CILK1: variants seen among roughly 807,000 people sequenced by gnomAD.
The protein encoded by CILK1 is ciliogenesis associated kinase 1.
A neutral mutation model predicts 79.2 loss-of-function variants in CILK1; 47 were observed. That is an observed-to-expected ratio of 0.59 (90% CI 0.47 to 0.76). The LOEUF (loss-of-function observed/expected upper bound fraction) is 0.76. Ranked by LOEUF, CILK1 falls within the 30% of genes least tolerant of loss-of-function variation. The pLI, the probability that CILK1 is intolerant of heterozygous loss-of-function variation, is 0.00. For missense variants in CILK1, 660 were observed against 769.5 expected, an observed-to-expected ratio of 0.86 and a Z score of 1.68; for synonymous variants, 266 against 275.9, an observed-to-expected ratio of 0.96 and a Z score of 0.36.
At position 53,011,797 on chromosome 6, in the gene CILK1, G is replaced by C. The variant is rs1232099217; in HGVS notation, c.1464C>G (p.His488Gln). Residue 488 changes from histidine (H) to glutamine (Q), a missense_variant, in exon 11 of 14, where the codon CAC becomes CAG. Coordinates refer to ENST00000676107, the MANE Select transcript of CILK1 (RefSeq NM_014920.5). ...TPTLRSAAKQ[H>Q]YLKHSRYLPG... Reference sequence around the variant, plus strand: ...GCAAGTATCGAGAGTGCTTCAAATAGTGCTGCTTGGCTGCAGATCTCAGGG... The same window carrying C: ...GCAAGTATCGAGAGTGCTTCAAATACTGCTGCTTGGCTGCAGATCTCAGGG... The C allele has an allele frequency of 6.2e-7, 1 of 1,614,016 alleles. No homozygotes were observed. The highest frequency in any genetic ancestry group is 8.5e-7 in the Non-Finnish European group (1 of 1,180,018).
Position 53,003,802 on chromosome 6 carries a change from G to A in CILK1, c.*1347C>T, listed in dbSNP as rs1195287127. The A allele has an allele frequency of 2.0e-5, 3 of 152,608 alleles. No homozygotes were observed. In the East Asian group the frequency reaches 5.8e-4, roughly 29 times the overall value. The allele number at this position is 152,608 out of a possible 1,614,324, so 9.5% of individuals were successfully genotyped here. The stretch of plus-strand genomic sequence containing the variant: ...CTGGAACCAATAGAGAGTAGTTTGA[G>A]CCCTAGGAGAATATGAATCAATACA... On this transcript the variant is annotated 3_prime_UTR_variant, in exon 14 of 14. Transcript: ENST00000676107.
In CILK1 at chr6:53,019,315, C is replaced by T. The variant is rs1286105744; in HGVS notation, c.403G>A (p.Gly135Arg). 1 of 1,613,780 alleles carries T rather than the reference C, an allele frequency of 6.2e-7. No individual in the cohort carries two copies. The highest frequency in any genetic ancestry group is 1.3e-5 in the African/African-American group (1 of 74,862). ...DLKPENLLCM[G>R]PELVKIADFG... The stretch of plus-strand genomic sequence containing the variant: ...TCTGCAATTTTCACAAGTTCTGGTC[C>T]CATGCAGAGGAGGTTCTCAGGCTTT... The change falls in exon 6 of 14, where the codon GGA becomes AGA. Residue 135 changes from glycine (G) to arginine (R), a missense_variant. By Grantham distance (125) the Gly-to-Arg change is moderately radical. Coordinates refer to ENST00000676107, the MANE Select transcript of CILK1 (RefSeq NM_014920.5).
At chr6:53,044,977 A>C (rs1238187940) in intron 1 of CILK1, among the ~76,000 whole-genome samples, 1 of 152,250 alleles carries the variant, frequency 6.6e-6, no homozygotes, top group African/African-American at 2.4e-5. Flanking sequence ...CAGGCAGACT[A>C]AGATAGGATC....
At chr6:53,058,679 A>C (rs1331699408) in intron 1 of CILK1, among the ~76,000 whole-genome samples, 4 of 152,196 alleles carry the variant, frequency 2.6e-5, no homozygotes, top group Non-Finnish European at 5.9e-5. Flanking sequence ...CAAAGACCAC[A>C]GGTGAAAGAC....
At chr6:53,005,560 C>T (rs1342958014) in intron 13 of CILK1, among the ~76,000 whole-genome samples, 1 of 152,104 alleles carries the variant, frequency 6.6e-6, no homozygotes, top group Non-Finnish European at 1.5e-5. Context: ...TTAGTTCTAC[C>T]TTCCAAATAT....
At chr6:53,012,402 C>T (rs963713810) in intron 9 of CILK1, among the ~76,000 whole-genome samples, 175 bp from the exon 10 acceptor site, 1 of 152,138 alleles carries the variant, frequency 6.6e-6, no homozygotes, top group African/African-American at 2.4e-5. Flanking sequence ...TCTCACTCAT[C>T]CTTCACAGAT....
intron 8 of CILK1, among the ~76,000 whole-genome samples, chr6:53,015,396 T>C (rs1764832614): frequency 6.6e-6 from 1 of 152,242 alleles, no homozygotes; most frequent in Non-Finnish European, 1.5e-5. Flanking sequence ...AAAGGAGCTA[T>C]GAAACCAGTG....
At chr6:53,011,544 AGCCAAGATGGC>A (rs1413499996) in intron 11 of CILK1, among the ~76,000 whole-genome samples, 1 of 152,182 alleles carries the variant, frequency 6.6e-6, no homozygotes, top group East Asian at 1.9e-4. Flanking sequence ...GGCTACAGTG[AGCCAAGATGGC>A]GCCATTGCAC....
At chr6:53,040,423 G>T (rs1237827152) in intron 2 of CILK1, among the ~76,000 whole-genome samples, 2 of 152,218 alleles carry the variant, frequency 1.3e-5, no homozygotes, top group East Asian at 3.8e-4. Flanking sequence ...AGGAACTGAG[G>T]GCAGCCTCCC....
chr6:53,009,931 G>A (rs370215763), intron 11 of CILK1, among the ~76,000 whole-genome samples: 1 of 152,034 alleles, frequency 6.6e-6, no homozygotes, highest in Non-Finnish European at 1.5e-5. Context: ...CTCCAACTCT[G>A]CAGCCCTCTG....
chr6:53,011,164 T>C (rs376172713), intron 11 of CILK1, among the ~76,000 whole-genome samples: 1 of 152,172 alleles, frequency 6.6e-6, no homozygotes, highest in Non-Finnish European at 1.5e-5. Flanking sequence ...GGTTTCCCTA[T>C]TGGCCATTTC....
At chr6:53,026,753 G>A (rs958416482) in intron 5 of CILK1, among the ~76,000 whole-genome samples, 15 of 152,208 alleles carry the variant, frequency 9.9e-5, no homozygotes, top group Non-Finnish European at 1.5e-4. Context: ...TTTTAGTTGT[G>A]GTCATTCAGA....
Position 53,032,633 on chromosome 6 carries a change from C to T in CILK1, c.178G>A (p.Ala60Thr). The T allele has an allele frequency of 1.2e-6, 2 of 1,604,742 alleles. No homozygotes were observed. Among genetic ancestry groups the T allele is most frequent in the Non-Finnish European group, 1.7e-6 (2 of 1,173,618 alleles). The change falls in exon 4 of 14, where the codon GCC becomes ACC. Residue 60 changes from alanine (A) to threonine (T), a missense_variant. Transcript: ENST00000676107. ...ACTTCTTTTAATTTGACTACATTGGCATGGTTGAGCTTCTTTAAAGACTAA... is the reference window on the plus strand; with the variant it reads ...ACTTCTTTTAATTTGACTACATTGGTATGGTTGAGCTTCTTTAAAGACTAA... ...EVKSLKKLNHANVVKLKEVIR... is the reference protein window; with the variant it reads ...EVKSLKKLNHTNVVKLKEVIR...
chr6:53,003,423 TCAC>T lies in CILK1; in HGVS notation c.*1723_*1725del, dbSNP rs1764036641. 6.6e-6 allele frequency: 1 copy of T among 152,222 alleles called. No individual in the cohort carries two copies. The allele number at this position is 152,222 out of a possible 1,614,324, so 9.4% of individuals were successfully genotyped here. On this transcript the variant is annotated 3_prime_UTR_variant, in exon 14 of 14. Transcript: ENST00000676107. The stretch of plus-strand genomic sequence containing the variant: ...CCATATGAAAGTGTCTATATTCATT[TCAC>T]CTATCATTTTAACCTATAAAAATGA...
intron 5 of CILK1, among the ~76,000 whole-genome samples, chr6:53,024,891 G>A (rs1240132925): frequency 6.9e-6 from 1 of 144,904 alleles, no homozygotes; most frequent in African/African-American, 2.6e-5. Flanking sequence ...GGAGTGAAGT[G>A]GCACCATCTT....
intron 3 of CILK1, 100 bp from the exon 4 acceptor site, chr6:53,032,754 A>C: frequency 1.1e-6 from 1 of 940,410 alleles, no homozygotes; most frequent in Non-Finnish European, 1.6e-6. Flanking sequence ...AGAAACAACT[A>C]ATTTTAGAAC....
intron 2 of CILK1, among the ~76,000 whole-genome samples, 157 bp downstream of exon 2, chr6:53,040,979 A>T (rs1276220614): frequency 6.6e-6 from 1 of 152,224 alleles, no homozygotes. Context: ...GACCTCTAAC[A>T]TGAGTGTTAC....
In CILK1 at chr6:53,041,345, C is replaced by T. The variant is rs995770587; in HGVS notation, c.-109G>A. 8 of 765,716 alleles carry T rather than the reference C, an allele frequency of 1.0e-5. No homozygotes were observed. Among genetic ancestry groups the T allele is most frequent in the Non-Finnish European group, 1.7e-5 (7 of 424,000 alleles). The allele number at this position is 765,716 out of a possible 1,614,324, so 47.4% of individuals were successfully genotyped here. On this transcript the variant is annotated 5_prime_UTR_variant, in exon 2 of 14. Transcript: ENST00000676107. ...CCAGATTTTTCGATGGCAGCACCAG[C>T]ACAAGGTATTCAATAGGACGTGACT...
intron 1 of CILK1, among the ~76,000 whole-genome samples, chr6:53,048,630 G>A (rs550558008): frequency 6.7e-5 from 10 of 150,268 alleles, no homozygotes; most frequent in African/African-American, 1.7e-4. Flanking sequence ...TTACTGTTGC[G>A]CTGGGAAAAT....
Sources: allele counts gnomAD v4.1 joint callset (sites outside exome capture counted in the v4.1 genomes callset), GRCh38; gene constraint gnomAD v4.1.1; transcripts MANE v1.5; gene names NCBI Gene and HGNC (gene_info 2026-07-23, HGNC 2026-07-21).